GATA1: variants seen among roughly 807,000 people sequenced by gnomAD.
The protein encoded by GATA1 is GATA binding protein 1, also known as erythroid transcription factor.
GATA1 carries 2 observed loss-of-function variants against 18.9 expected under a neutral mutation model. The ratio of observed to expected loss-of-function variants is 0.11; its 90% confidence interval spans 0.04 to 0.33. The LOEUF (loss-of-function observed/expected upper bound fraction) is 0.33, where lower values mean the gene tolerates loss of function less well. GATA1 is among the 10% of genes least tolerant of loss of function. The probability of loss-of-function intolerance (pLI) is 1.00; values close to 1 mark genes in which losing one functional copy is unlikely to be tolerated. For synonymous variants in GATA1, 152 were observed against 149.1 expected (o/e 1.02, Z -0.14); for missense variants, 272 against 344.7 (o/e 0.79, Z 1.67).
At chrX:48,787,269 CTT>C (rs1352747199) in intron 1 of GATA1, among the ~76,000 whole-genome samples, 4 of 111,154 alleles carry the variant, frequency 3.6e-5, no homozygotes, top group Non-Finnish European at 5.7e-5. Context: ...AGTAAAATAT[CTT>C]TGTCACTTCA....
At chrX:48,791,432 A>C in intron 2 of GATA1, 103 bp downstream of exon 2, 2 of 773,592 alleles carry the variant, frequency 2.6e-6, no homozygotes, top group Non-Finnish European at 1.9e-6. Context: ...TATCTCAGAA[A>C]TGGCTGGAAG....
chrX:48,793,731 C>T, intron 5 of GATA1, 62 bp from the exon 6 acceptor site: 1 of 1,198,424 alleles, frequency 8.3e-7, no homozygotes, highest in South Asian at 1.8e-5. Flanking sequence ...GAGGGTGTCC[C>T]TGGTTGACAC....
At chrX:48,792,958 T>G (rs2062679301) in intron 4 of GATA1, among the ~76,000 whole-genome samples, 1 of 111,324 alleles carries the variant, frequency 9.0e-6, no homozygotes, top group Non-Finnish European at 1.9e-5. Flanking sequence ...GAACCACCAA[T>G]GTAGTCCCCC....
rs104894809 is a variant in GATA1 at position 48,792,371 on chromosome X, G to A, written c.647G>A (p.Arg216Gln). 2.5e-6 allele frequency: 3 copies of A among 1,209,889 alleles called. No homozygotes were observed. The highest frequency in any genetic ancestry group is 3.4e-6 in the Non-Finnish European group (3 of 895,074). The stretch of plus-strand genomic sequence containing the variant: ...GGAGCAACAGCCACTCCACTGTGGC[G>A]GAGGGACAGGACAGGCCACTACCTA... ...NCGATATPLW[R>Q]RDRTGHYLCN... is the part of the protein sequence containing the mutation. Residue 216 changes from arginine to glutamine, a missense_variant, in exon 4 of 6, where the codon CGG (arginine) becomes CAG (glutamine). Arg to Gln is a conservative substitution (Grantham distance 43). Coordinates refer to ENST00000376670, the MANE Select transcript of GATA1 (RefSeq NM_002049.4).
chrX:48,792,569 A>G, intron 4 of GATA1, 101 bp downstream of exon 4: 2 of 1,098,036 alleles, frequency 1.8e-6, no homozygotes, highest in Non-Finnish European at 1.3e-6. Context: ...TGTTCTCATG[A>G]TTACAGGAAG....
chrX:48,791,282 C>T lies in GATA1; in HGVS notation c.173C>T (p.Ala58Val), dbSNP rs782299679. 58 of 1,204,982 alleles carry T rather than the reference C, an allele frequency of 4.8e-5. No homozygotes were observed. In the South Asian group the frequency reaches 5.2e-4, roughly 11 times the overall value. Residue 58 changes from alanine to valine, a missense_variant, in exon 2 of 6, where the codon GCG becomes GTG. Physicochemically the swap from Ala to Val is moderately conservative, Grantham distance 64 (BLOSUM62 0). Coordinates refer to ENST00000376670, the MANE Select transcript of GATA1 (RefSeq NM_002049.4). Reference sequence around the variant, plus strand: ...CCGAGCACAGCCACCGCTGCAGCTGCGGCACTGGCCTACTACAGGGACGCT... The same window carrying T: ...CCGAGCACAGCCACCGCTGCAGCTGTGGCACTGGCCTACTACAGGGACGCT... Reference protein sequence around the residue: ...TAPSTATAAAAALAYYRDAEA... With the variant: ...TAPSTATAAAVALAYYRDAEA...
rs184815507 is a variant in GATA1 at position 48,791,918 on chromosome X, G to A, written c.295G>A (p.Gly99Ser). The part of the protein sequence containing the change: ...GGSPYAGWAY[G>S]KTGLYPASTV... The stretch of plus-strand genomic sequence containing the variant: ...CTCACCATATGCCGGCTGGGCCTAC[G>A]GCAAGACGGGGCTCTACCCTGCCTC... The change falls in exon 3 of 6, where the codon GGC (glycine) becomes AGC (serine). Residue 99 changes from glycine (G) to serine (S), a missense_variant. Coordinates refer to ENST00000376670, the MANE Select transcript of GATA1 (RefSeq NM_002049.4). 3.6e-5 allele frequency: 43 copies of A among 1,210,331 alleles called. No individual in the cohort carries two copies. The highest frequency in any genetic ancestry group is 7.0e-5 in the South Asian group (4 of 56,864).
chrX:48,788,271 A>G (rs1364022324), intron 1 of GATA1, among the ~76,000 whole-genome samples: 1 of 110,612 alleles, frequency 9.0e-6, no homozygotes, highest in African/African-American at 3.3e-5. Flanking sequence ...AGAGACAAAG[A>G]GCAAGAGACA....
At chrX:48,789,143 C>T (rs1272225698) in intron 1 of GATA1, among the ~76,000 whole-genome samples, 5 of 111,077 alleles carry the variant, frequency 4.5e-5, no homozygotes, top group African/African-American at 1.6e-4. Flanking sequence ...CTCGTCTTTA[C>T]TAAAAATACA....
intron 1 of GATA1, among the ~76,000 whole-genome samples, chrX:48,788,679 T>C (rs2062664957): frequency 9.0e-6 from 1 of 111,624 alleles, no homozygotes; most frequent in Non-Finnish European, 1.9e-5. Context: ...CCTTCTAGTC[T>C]AGCCCTGTCA....
intron 1 of GATA1, among the ~76,000 whole-genome samples, chrX:48,789,741 C>CA (rs1321785118): frequency 4.5e-5 from 5 of 110,915 alleles, no homozygotes; most frequent in African/African-American, 1.6e-4. Context: ...TGACCCCCCC[C>CA]CAACCAAGAA....
intron 2 of GATA1, 72 bp from the exon 3 acceptor site, chrX:48,791,772 T>C (rs2062675775): frequency 8.7e-7 from 1 of 1,150,214 alleles, no homozygotes; most frequent in African/African-American, 1.8e-5. Context: ...TGGGAACCAC[T>C]GCACCCTGAC....
rs150572851 is a variant in GATA1, at chrX:48,791,272, G to A, written c.163G>A (p.Ala55Thr). 2.2e-4 allele frequency: 260 copies of A among 1,205,296 alleles called. 2 individuals carry two copies. In the South Asian group the frequency reaches 2.5e-3, roughly 12 times the overall value. ...ASSTAPSTAT[A>T]AAAALAYYRD... Reference sequence around the variant, plus strand: ...CTCCACTGCCCCGAGCACAGCCACCGCTGCAGCTGCGGCACTGGCCTACTA... The same window carrying A: ...CTCCACTGCCCCGAGCACAGCCACCACTGCAGCTGCGGCACTGGCCTACTA... The change falls in exon 2 of 6, where the codon GCT becomes ACT. Residue 55 changes from alanine to threonine, a missense_variant. Around this residue, in one of 3 missense-constraint regions of GATA1, gnomAD observed 147 missense variants for 157.4 expected, o/e 0.93. Transcript: ENST00000376670.
chrX:48,790,330 C>G (rs932026188), intron 1 of GATA1, among the ~76,000 whole-genome samples: 1 of 110,437 alleles, frequency 9.1e-6, no homozygotes, highest in Non-Finnish European at 1.9e-5. Flanking sequence ...TGGCACACAC[C>G]TGTAGTCCCA....
intron 4 of GATA1, 48 bp from the exon 5 acceptor site, chrX:48,793,124 C>T (rs782611560): frequency 3.3e-6 from 4 of 1,205,038 alleles, no homozygotes; most frequent in Non-Finnish European, 4.5e-6. Context: ...CCCTTACCCC[C>T]ACTTCCACAT....
In GATA1 at chrX:48,791,917, C is replaced by T. The variant is rs2062676321; in HGVS notation, c.294C>T (p.Tyr98=). 7 of 1,211,904 alleles carry T rather than the reference C, an allele frequency of 5.8e-6. No individual in the cohort carries two copies. In the South Asian group the frequency reaches 8.8e-5, roughly 15 times the overall value. ...GCTCACCATATGCCGGCTGGGCCTA[C>T]GGCAAGACGGGGCTCTACCCTGCCT... ...PGGSPYAGWA[Y]GKTGLYPAST... The change falls in exon 3 of 6, where the codon TAC becomes TAT. Residue 98 remains tyrosine, a synonymous_variant. Transcript: ENST00000376670.
chrX:48,792,085 A>C lies in GATA1; in HGVS notation c.462A>C (p.Ser154=), dbSNP rs868986136. The change falls in exon 3 of 6, where the codon TCA becomes TCC. Residue 154 remains serine, a synonymous_variant. Coordinates refer to ENST00000376670, the MANE Select transcript of GATA1 (RefSeq NM_002049.4). ...DLLTLGPALP[S]SLPVPNSAYG... ...TGACCCTGGGACCTGCACTGCCTTCATCACTCCCTGTCCCCAATAGTGCTT... is the reference window on the plus strand; with the variant it reads ...TGACCCTGGGACCTGCACTGCCTTCCTCACTCCCTGTCCCCAATAGTGCTT... 4.1e-6 allele frequency: 5 copies of C among 1,211,838 alleles called. No homozygotes were observed. In the Middle Eastern group the frequency reaches 1.1e-3, roughly 278 times the overall value.
At chrX:48,788,904 A>C (rs908207269) in intron 1 of GATA1, among the ~76,000 whole-genome samples, 1 of 111,533 alleles carries the variant, frequency 9.0e-6, no homozygotes, top group African/African-American at 3.3e-5. Context: ...AGAGATGTTC[A>C]GAGAGATAGG....
Position 48,794,294 on chromosome X carries a change from A to G in GATA1, c.*130A>G. ...ACCTTCAAAGCTTTTGTAAAATAAA[A>G]CCACCAAAGTCCTGAAATTGTGGGT... On this transcript the variant is annotated 3_prime_UTR_variant, in exon 6 of 6. Transcript: ENST00000376670. 1 of 789,109 alleles carries G rather than the reference A, an allele frequency of 1.3e-6. No homozygotes were observed. Among genetic ancestry groups the G allele is most frequent in the Non-Finnish European group, 1.8e-6 (1 of 552,521 alleles). 65.0% of individuals were successfully genotyped at this position (789,109 alleles called of 1,213,427 possible). A position where few individuals can be genotyped will look rare whatever the true frequency, so the allele number is the denominator to read the frequency against.
Sources: allele counts gnomAD v4.1 joint callset (sites outside exome capture counted in the v4.1 genomes callset), GRCh38; gene constraint gnomAD v4.1.1; regional missense constraint gnomAD v4.1.1; transcripts MANE v1.5; gene names NCBI Gene and HGNC (gene_info 2026-07-23, HGNC 2026-07-21).